The following BLTP3B variants were observed in gnomAD, a reference collection of about 807,000 sequenced individuals.
BLTP3B encodes the protein UHRF1 (ICBP90) binding protein 1-like.
chr12:100,116,721 A>G, the BLTP3B span, among the ~76,000 whole-genome samples: 10 of 152,186 alleles, frequency 6.6e-5, no homozygotes, highest in Admixed American at 2.0e-4. Context: ...TTTTTCCAAC[A>G]ATGTATTGAA....
the BLTP3B span, among the ~76,000 whole-genome samples, chr12:100,100,890 A>C: frequency 6.6e-6 from 1 of 152,132 alleles, no homozygotes; most frequent in African/African-American, 2.4e-5. Context: ...AGTCTGAAAA[A>C]ATGCTGAAAT....
chr12:100,112,935 C>T, the BLTP3B span, among the ~76,000 whole-genome samples: 2,075 of 151,766 alleles, frequency 0.014, 111 homozygotes, highest in East Asian at 0.15. Flanking sequence ...CTCTGGGAGG[C>T]TGAGGCAAGT....
chr12:100,124,076 G>A, the BLTP3B span, among the ~76,000 whole-genome samples: 4 of 151,980 alleles, frequency 2.6e-5, no homozygotes, highest in Non-Finnish European at 4.4e-5. Flanking sequence ...ATCAGCCTGG[G>A]AAACATAGCA....
chr12:100,085,009 G>T, the BLTP3B span, among the ~76,000 whole-genome samples: 1 of 152,048 alleles, frequency 6.6e-6, no homozygotes, highest in Non-Finnish European at 1.5e-5. Flanking sequence ...CAAATAAATA[G>T]AATCCTTTCT....
the BLTP3B span, among the ~76,000 whole-genome samples, chr12:100,133,308 T>A: frequency 6.6e-6 from 1 of 152,152 alleles, no homozygotes; most frequent in Non-Finnish European, 1.5e-5. Context: ...AGCCCCATAA[T>A]CTTTTATAGC....
chr12:100,141,973 CAGAA>C, the BLTP3B span, among the ~76,000 whole-genome samples: 3 of 152,088 alleles, frequency 2.0e-5, no homozygotes, highest in Non-Finnish European at 4.4e-5. Context: ...CATAGGACTC[CAGAA>C]AGAACCTGCC....
the BLTP3B span, among the ~76,000 whole-genome samples, chr12:100,067,615 C>T: frequency 6.6e-6 from 1 of 152,050 alleles, no homozygotes; most frequent in Non-Finnish European, 1.5e-5. Flanking sequence ...TGGAAAAATA[C>T]AACCCTCCTA....
chr12:100,040,590 G>A, the BLTP3B span, among the ~76,000 whole-genome samples: 5 of 152,162 alleles, frequency 3.3e-5, no homozygotes, highest in East Asian at 7.7e-4. Flanking sequence ...GGAGGCTGAG[G>A]CAGAAGAATC....
chr12:100,130,988 A>G, the BLTP3B span, among the ~76,000 whole-genome samples: 6 of 60,326 alleles, frequency 9.9e-5, no homozygotes, highest in South Asian at 4.9e-4. Flanking sequence ...GGAGGGAGAG[A>G]GAGAGAGAGA....
chr12:100,037,249 T>C, the BLTP3B span: 52 of 978,356 alleles, frequency 5.3e-5, no homozygotes, highest in Middle Eastern at 5.2e-4. Context: ...TATTAACAAA[T>C]ATGGAGAAAT....
At chr12:100,137,369 T>G in the BLTP3B span, among the ~76,000 whole-genome samples, 2 of 152,156 alleles carry the variant, frequency 1.3e-5, no homozygotes, top group African/African-American at 2.4e-5. Context: ...GGCACTCTAA[T>G]CCCTCTCATC....
At chr12:100,095,126 C>T in the BLTP3B span, among the ~76,000 whole-genome samples, 1 of 152,110 alleles carries the variant, frequency 6.6e-6, no homozygotes, top group African/African-American at 2.4e-5. Flanking sequence ...CTGGGAAAGA[C>T]CAGAAAAACT....
the BLTP3B span, among the ~76,000 whole-genome samples, chr12:100,085,007 T>C: frequency 6.6e-6 from 1 of 152,120 alleles, no homozygotes; most frequent in Non-Finnish European, 1.5e-5. Context: ...ATCAAATAAA[T>C]AGAATCCTTT....
chr12:100,095,403 T>A, the BLTP3B span, among the ~76,000 whole-genome samples: 2 of 152,206 alleles, frequency 1.3e-5, no homozygotes, highest in Admixed American at 6.5e-5. Context: ...TCTTTTAACT[T>A]CCTAAACAGA....
chr12:100,110,611 C>T, the BLTP3B span, among the ~76,000 whole-genome samples: 2 of 152,046 alleles, frequency 1.3e-5, no homozygotes, highest in African/African-American at 4.8e-5. Flanking sequence ...GATCAAATGG[C>T]ACAACTAAGA....
At chr12:100,057,596 A>G in the BLTP3B span, 11 of 1,608,812 alleles carry the variant, frequency 6.8e-6, no homozygotes, top group Non-Finnish European at 9.3e-6. Flanking sequence ...TATGGCTATC[A>G]CTTCCATCAC....
chr12:100,070,389 C>T, the BLTP3B span, among the ~76,000 whole-genome samples: 2 of 151,578 alleles, frequency 1.3e-5, no homozygotes, highest in African/African-American at 2.4e-5. Flanking sequence ...CAGGTTCAAG[C>T]GAACAGATTA....
At chr12:100,039,160 G>A in the BLTP3B span, among the ~76,000 whole-genome samples, 359 of 144,896 alleles carry the variant, frequency 2.5e-3, 2 homozygotes, top group African/African-American at 9.1e-3. Flanking sequence ...TCTTTATAAT[G>A]GCAAAAAAAA....
chr12:100,054,333 C>A, the BLTP3B span, among the ~76,000 whole-genome samples: 1 of 152,028 alleles, frequency 6.6e-6, no homozygotes, highest in Non-Finnish European at 1.5e-5. Context: ...GGTACATACA[C>A]AAATTCATAA....
Sources: allele counts gnomAD v4.1 joint callset (sites outside exome capture counted in the v4.1 genomes callset), GRCh38; gene constraint gnomAD v4.1.1; transcripts MANE v1.5; gene names NCBI Gene and HGNC (gene_info 2026-07-23, HGNC 2026-07-21).